Variants in RAG1 observed in about 807,000 individuals in gnomAD.
RAG1 encodes recombination activating 1, also known as V(D)J recombination-activating protein 1.
In RAG1, 35 loss-of-function variants were observed where a neutral mutation model predicts 62.7. That is an observed-to-expected ratio of 0.56 (90% CI 0.43 to 0.74). RAG1 has a LOEUF of 0.74. Among genes scored for constraint, RAG1 ranks in the 30% least tolerant of loss-of-function variants. The pLI is 0.00. For missense variants in RAG1, 1,169 were observed against 1,278.6 expected, an observed-to-expected ratio of 0.91 and a Z score of 1.31; for synonymous variants, 461 against 470.3, an observed-to-expected ratio of 0.98 and a Z score of 0.26.
chr11:36,578,199 C>T lies in RAG1; in HGVS notation c.*1763C>T, dbSNP rs937729255. 1.8e-5 allele frequency: 3 copies of T among 166,986 alleles called. No homozygotes were observed. Among genetic ancestry groups the T allele is most frequent in the African/African-American group, 7.2e-5 (3 of 41,414 alleles). 10.3% of individuals were successfully genotyped at this position (166,986 alleles called of 1,614,324 possible). A position where few individuals can be genotyped will look rare whatever the true frequency, so the allele number is the denominator to read the frequency against. ...AATTTAGTTGTCAAAAGTGCATCGG[C>T]GACATTATCTTTAATTGTATGTATT... On this transcript the variant is annotated 3_prime_UTR_variant, in exon 2 of 2. Coordinates refer to ENST00000299440, the MANE Select transcript of RAG1 (RefSeq NM_000448.3).
downstream of RAG1, among the ~76,000 whole-genome samples, chr11:36,540,424 C>T (rs1012249248): frequency 6.6e-6 from 1 of 151,998 alleles, no homozygotes. Flanking sequence ...TTTATTTTTG[C>T]GACGGAGCCT....
chr11:36,517,636 C>T (rs1860013626), intron 1 of RAG1, among the ~76,000 whole-genome samples: 1 of 152,114 alleles, frequency 6.6e-6, no homozygotes, highest in Non-Finnish European at 1.5e-5. Flanking sequence ...CCACATTTGC[C>T]TCTCTCATAT....
At chr11:36,537,469 T>C (rs534443461), downstream of RAG1, among the ~76,000 whole-genome samples, 1 of 152,172 alleles carries the variant, frequency 6.6e-6, no homozygotes, top group Non-Finnish European at 1.5e-5. Flanking sequence ...ATCTATCAGT[T>C]ATACCTCTGT....
At chr11:36,511,566 C>T (rs1393523187) in intron 1 of RAG1, among the ~76,000 whole-genome samples, 2 of 152,202 alleles carry the variant, frequency 1.3e-5, no homozygotes, top group African/African-American at 2.4e-5. Flanking sequence ...ATTAAAAATG[C>T]TTCTCTTTTT....
chr11:36,546,553 T>C (rs948060533), intron 3 of RAG1, among the ~76,000 whole-genome samples: 2 of 152,058 alleles, frequency 1.3e-5, no homozygotes, highest in African/African-American at 4.8e-5. Context: ...TGTCTTTTAA[T>C]TGGGGGCATT....
In RAG1 at chr11:36,574,303, T is replaced by A. The variant is rs902350422; in HGVS notation, c.999T>A (p.Tyr333Ter). Residue 333 changes from tyrosine to a stop codon, truncating the protein, a stop_gained, in exon 2 of 2, where the codon TAT (tyrosine) becomes TAA (stop). Coordinates refer to ENST00000299440, the MANE Select transcript of RAG1 (RefSeq NM_000448.3). LOFTEE classifies it high-confidence loss of function. Reference sequence around the variant, plus strand: ...GCAGCTATTGTCCCTCTTGCCGATATCCATGCTTCCCTACTGACCTGGAGA... The same window carrying A: ...GCAGCTATTGTCCCTCTTGCCGATAACCATGCTTCCCTACTGACCTGGAGA... The part of the protein sequence containing the change: ...VMGSYCPSCR[Y>*]PCFPTDLESP... 1 of 1,614,086 alleles carries A rather than the reference T, an allele frequency of 6.2e-7. No individual in the cohort carries two copies. The highest frequency in any genetic ancestry group is 8.5e-7 in the Non-Finnish European group (1 of 1,180,038).
chr11:36,510,647 AC>A (rs1394813055), upstream of RAG1: 1 of 151,538 alleles, frequency 6.6e-6, no homozygotes, highest in Non-Finnish European at 1.5e-5. Flanking sequence ...GAATTCTTAA[AC>A]CCCTCCCCAG....
intron 2 of RAG1, among the ~76,000 whole-genome samples, chr11:36,533,057 C>G (rs900920443): frequency 6.6e-6 from 1 of 151,986 alleles, no homozygotes; most frequent in Non-Finnish European, 1.5e-5. Context: ...GTGTAGTTCT[C>G]AAGAGTAGCT....
upstream of RAG1, among the ~76,000 whole-genome samples, chr11:36,564,798 C>A (rs1452406053): frequency 1.3e-5 from 2 of 152,206 alleles, no homozygotes; most frequent in African/African-American, 4.8e-5. Flanking sequence ...GGCGAGTTTG[C>A]ATGCTCACCC....
chr11:36,519,773 T>C (rs1461189782), intron 1 of RAG1, among the ~76,000 whole-genome samples: 2 of 152,156 alleles, frequency 1.3e-5, no homozygotes, highest in African/African-American at 4.8e-5. Flanking sequence ...AGATTGAGTA[T>C]TGTCTTAAAA....
Position 36,575,775 on chromosome 11 carries a change from C to T in RAG1, c.2471C>T (p.Ala824Val). 2.5e-6 allele frequency: 4 copies of T among 1,614,176 alleles called. No homozygotes were observed. The highest frequency in any genetic ancestry group is 3.4e-6 in the Non-Finnish European group (4 of 1,180,042). Reference protein sequence around the residue: ...EIGEVYKNPNASKEERKRWQA... With the variant: ...EIGEVYKNPNVSKEERKRWQA... Reference sequence around the variant, plus strand: ...GGGGAAGTGTATAAGAATCCCAATGCTTCCAAAGAGGAAAGGAAAAGGTGG... The same window carrying T: ...GGGGAAGTGTATAAGAATCCCAATGTTTCCAAAGAGGAAAGGAAAAGGTGG... The change falls in exon 2 of 2, where the codon GCT becomes GTT. Residue 824 changes from alanine to valine, a missense_variant. Ala to Val is a moderately conservative substitution (Grantham distance 64). Coordinates refer to ENST00000299440, the MANE Select transcript of RAG1 (RefSeq NM_000448.3). The surrounding 1 kb of genome is among the most constrained non-coding windows in gnomAD (Gnocchi z 4.1).
intron 2 of RAG1, among the ~76,000 whole-genome samples, chr11:36,529,428 C>T (rs567697926): frequency 1.4e-4 from 21 of 152,174 alleles, no homozygotes; most frequent in South Asian, 6.2e-4. Flanking sequence ...AAAAGGTCTT[C>T]GACAAAATTG....
intron 3 of RAG1, among the ~76,000 whole-genome samples, chr11:36,558,762 C>T: frequency 6.6e-6 from 1 of 152,166 alleles, no homozygotes; most frequent in Non-Finnish European, 1.5e-5. Flanking sequence ...AATTCATTCA[C>T]TTTCAATGTT....
At chr11:36,571,815 A>T (rs920430895) in intron 1 of RAG1, among the ~76,000 whole-genome samples, 1 of 152,004 alleles carries the variant, frequency 6.6e-6, no homozygotes, top group African/African-American at 2.4e-5. Flanking sequence ...ATGGAGTATC[A>T]CCATGTTGGC....
rs1850876655 is a variant in RAG1 at position 36,577,920 on chromosome 11, C to G, written c.*1484C>G. 1 of 167,090 alleles carries G rather than the reference C, an allele frequency of 6.0e-6. No homozygotes were observed. The highest frequency in any genetic ancestry group is 2.4e-5 in the African/African-American group (1 of 41,442). 10.4% of individuals were successfully genotyped at this position (167,090 alleles called of 1,614,324 possible). A position where few individuals can be genotyped will look rare whatever the true frequency, so the allele number is the denominator to read the frequency against. ...TTTTTAAATCATTTGTGTGCTCTGGCTCTTTTGATAGAAGAAAGCAACACA... is the reference window on the plus strand; with the variant it reads ...TTTTTAAATCATTTGTGTGCTCTGGGTCTTTTGATAGAAGAAAGCAACACA... On this transcript the variant is annotated 3_prime_UTR_variant, in exon 2 of 2. Coordinates refer to ENST00000299440, the MANE Select transcript of RAG1 (RefSeq NM_000448.3).
rs114227785 is a variant in RAG1, at chr11:36,544,005, C to A, written c.-412+7971C>A. The stretch of plus-strand genomic sequence containing the variant: ...GAGAAGATAGTACAGAGAATTCTCT[C>A]ATAGCCCTACCTGGTTTCCTTTATT... On this transcript the variant is annotated intron_variant and NMD_transcript_variant, in intron 3 of 9. Transcript: ENST00000534663. Among the ~76,000 whole-genome samples, 496 of 152,320 alleles carry A rather than the reference C, an allele frequency of 3.3e-3. 6 individuals are homozygous for A. The highest frequency in any genetic ancestry group is 0.011 in the African/African-American group (469 of 41,566).
chr11:36,511,415 C>T (rs5030414), intron 1 of RAG1, among the ~76,000 whole-genome samples: 21,897 of 152,166 alleles, frequency 0.14, 1,640 homozygotes, highest in Admixed American at 0.2. Context: ...GATTGCACCA[C>T]TGCATTCCAG....
intron 1 of RAG1, among the ~76,000 whole-genome samples, chr11:36,512,862 T>G (rs1157304510): frequency 1.3e-5 from 2 of 152,218 alleles, no homozygotes; most frequent in Non-Finnish European, 2.9e-5. Context: ...CAGTTGTCCT[T>G]ATAAGTAAAT....
chr11:36,570,211 C>T lies in RAG1; in HGVS notation c.-15+2089C>T, dbSNP rs4151006. Among the ~76,000 whole-genome samples, 32 of 152,140 alleles carry T rather than the reference C, an allele frequency of 2.1e-4. No individual in the cohort carries two copies. In the East Asian group the frequency reaches 5.0e-3, roughly 24 times the overall value. On this transcript the variant is annotated intron_variant, in intron 1 of 1. Coordinates refer to ENST00000299440, the MANE Select transcript of RAG1 (RefSeq NM_000448.3). ...TTTATTGCATCAAAGATAATATATT[C>T]AAAAATTTTAAAGATATTGCTAAAT...
Sources: gnomAD v4.1 joint callset for allele counts (sites outside exome capture counted in the v4.1 genomes callset) on GRCh38, gnomAD v4.1.1 for gene constraint, Gnocchi (gnomAD v3.1) non-coding constraint, MANE v1.5 for transcripts, NCBI Gene and HGNC (gene_info 2026-07-23, HGNC 2026-07-21) for gene names.